The following IMMP2L variants were observed in gnomAD, a reference collection of about 807,000 sequenced individuals.
IMMP2L encodes inner mitochondrial membrane peptidase subunit 2.
In IMMP2L, 18 loss-of-function variants were observed where a neutral mutation model predicts 19.3. The ratio of observed to expected loss-of-function variants is 0.93; its 90% confidence interval spans 0.64 to 1.38. The LOEUF (loss-of-function observed/expected upper bound fraction) is 1.38, where lower values mean the gene tolerates loss of function less well. IMMP2L is among the 40% of genes most tolerant of loss of function. The pLI is 0.00. For synonymous variants in IMMP2L, 76 were observed against 73.0 expected (o/e 1.04, Z -0.21); for missense variants, 233 against 218.2 (o/e 1.07, Z -0.43).
chr7:111,134,676 T>C (rs924175939), intron 3 of IMMP2L, among the ~76,000 whole-genome samples: 3 of 152,086 alleles, frequency 2.0e-5, no homozygotes, highest in Non-Finnish European at 4.4e-5. Context: ...ATAGTTATTT[T>C]TCAATTCTTC....
chr7:111,539,127 AAAGAAAAGGAAGG>A (rs1277572954), intron 1 of IMMP2L, among the ~76,000 whole-genome samples: 10 of 123,986 alleles, frequency 8.1e-5, no homozygotes, highest in African/African-American at 3.3e-4. Flanking sequence ...CACAAAAAGA[AAAGAAAAGGAAGG>A]AAGGAAGGAA....
intron 3 of IMMP2L, among the ~76,000 whole-genome samples, chr7:111,471,325 C>CTGG (rs1465550441): frequency 6.6e-6 from 1 of 152,060 alleles, no homozygotes; most frequent in Admixed American, 6.6e-5. Context: ...ATGCAAGTCT[C>CTGG]TGTCATTATT....
intron 3 of IMMP2L, among the ~76,000 whole-genome samples, chr7:111,201,323 T>C (rs1789205316): frequency 6.6e-6 from 1 of 151,912 alleles, no homozygotes; most frequent in Non-Finnish European, 1.5e-5. Flanking sequence ...GTAATCTTTA[T>C]ACAGTTTTTT....
chr7:111,183,530 C>T (rs1431964653), intron 3 of IMMP2L, among the ~76,000 whole-genome samples: 3 of 152,050 alleles, frequency 2.0e-5, no homozygotes, highest in Non-Finnish European at 4.4e-5. Context: ...AGATCTTACA[C>T]TGCAAGCTCT....
chr7:110,911,121 A>C (rs1813014920), intron 4 of IMMP2L, among the ~76,000 whole-genome samples: 2 of 152,274 alleles, frequency 1.3e-5, no homozygotes, highest in South Asian at 4.1e-4. Flanking sequence ...CTTTTTAAAC[A>C]AATGATAAAG....
At chr7:111,012,635 CTATT>C (rs1825090123) in intron 3 of IMMP2L, among the ~76,000 whole-genome samples, 1 of 152,074 alleles carries the variant, frequency 6.6e-6, no homozygotes, top group Admixed American at 6.6e-5. Flanking sequence ...TTTAGAGCGA[CTATT>C]TATACATTAC....
rs1049160328 is a variant in IMMP2L at position 110,720,083 on chromosome 7, C to T, written c.409-56362G>A. 3.3e-5 allele frequency among the ~76,000 whole-genome samples: 5 copies of T among 152,164 alleles called. No homozygotes were observed. In the East Asian group the frequency reaches 7.7e-4, roughly 24 times the overall value. ...TAAAATCCTGGAAATCTCATAATGT[C>T]GGGAAATTAGCTGAGAGGAGCATGG... On this transcript the variant is annotated intron_variant, in intron 5 of 5. Transcript: ENST00000405709.
At chr7:110,880,149 C>T (rs1004996844) in intron 5 of IMMP2L, among the ~76,000 whole-genome samples, 6 of 151,998 alleles carry the variant, frequency 3.9e-5, no homozygotes, top group African/African-American at 1.4e-4. Flanking sequence ...CCAAGTTAGA[C>T]AAATCTTAAT....
chr7:110,850,482 A>G (rs1284191099), intron 5 of IMMP2L, among the ~76,000 whole-genome samples: 3 of 152,116 alleles, frequency 2.0e-5, no homozygotes, highest in Admixed American at 6.6e-5. Context: ...ATATGTAAAT[A>G]TAAGTTGCCA....
intron 3 of IMMP2L, among the ~76,000 whole-genome samples, chr7:111,104,181 G>C (rs1798285453): frequency 6.6e-6 from 1 of 151,580 alleles, no homozygotes; most frequent in Non-Finnish European, 1.5e-5. Flanking sequence ...GCACATACCT[G>C]CCTTTACTAT....
chr7:110,722,443 A>G (rs1402430088), intron 5 of IMMP2L, among the ~76,000 whole-genome samples: 2 of 152,106 alleles, frequency 1.3e-5, no homozygotes, highest in Non-Finnish European at 2.9e-5. Context: ...AGTAAGAGAC[A>G]AAGTCAGGAT....
At chr7:111,178,255 T>C (rs1586704099) in intron 3 of IMMP2L, among the ~76,000 whole-genome samples, 1 of 152,216 alleles carries the variant, frequency 6.6e-6, no homozygotes, top group South Asian at 2.1e-4. Flanking sequence ...AAATGTGTAA[T>C]AGCATTATGT....
rs943643516 is a variant in IMMP2L at position 110,965,962 on chromosome 7, G to A, written c.240-2397C>T. Among the ~76,000 whole-genome samples, 9 of 151,884 alleles carry A rather than the reference G, an allele frequency of 5.9e-5. No homozygotes were observed. The Middle Eastern group carries it at 0.01, about 172-fold the overall frequency. Reference sequence around the variant, plus strand: ...AAATGTATCCTAATGAGATGATTACGAATGTATGCCAAATTTTGGCCACAT... The same window carrying A: ...AAATGTATCCTAATGAGATGATTACAAATGTATGCCAAATTTTGGCCACAT... On this transcript the variant is annotated intron_variant, in intron 3 of 5. Transcript: ENST00000405709.
chr7:110,828,025 A>G lies in IMMP2L; in HGVS notation c.408+58568T>C, dbSNP rs191881458. ...AATAAGAACTAGAAACAAGTGTGCAAACTAAAAAGACTGTTCTCAAAGTGC... is the reference window on the plus strand; with the variant it reads ...AATAAGAACTAGAAACAAGTGTGCAGACTAAAAAGACTGTTCTCAAAGTGC... On this transcript the variant is annotated intron_variant, in intron 5 of 5. Coordinates refer to ENST00000405709, the MANE Select transcript of IMMP2L (RefSeq NM_032549.4). Among the ~76,000 whole-genome samples, 422 of 152,262 alleles carry G rather than the reference A, an allele frequency of 2.8e-3. 4 individuals carry two copies. The highest frequency in any genetic ancestry group is 9.6e-3 in the African/African-American group (397 of 41,564).
chr7:111,499,681 C>T (rs960114156), intron 2 of IMMP2L, among the ~76,000 whole-genome samples: 6 of 152,180 alleles, frequency 3.9e-5, no homozygotes, highest in Non-Finnish European at 7.3e-5. Flanking sequence ...CATGTGTTGT[C>T]AAGGCCTCCC....
At chr7:111,510,140 T>C (rs370942538) in intron 2 of IMMP2L, among the ~76,000 whole-genome samples, 29 of 152,274 alleles carry the variant, frequency 1.9e-4, no homozygotes, top group African/African-American at 7.0e-4. Flanking sequence ...GAGTTTAGAC[T>C]TAAAGGGAAC....
In IMMP2L at chr7:111,458,418, A is replaced by G. The variant is rs146868103; in HGVS notation, c.239+28820T>C. 5.0e-4 allele frequency among the ~76,000 whole-genome samples: 76 copies of G among 152,176 alleles called. No homozygotes were observed. In the Middle Eastern group the frequency reaches 0.017, roughly 34 times the overall value. ...CTTATGGAATGCTATCATTCTGTCA[A>G]AAATAAACATAATATGCTTTCTGTT... is the stretch of plus-strand genomic sequence containing the variant. On this transcript the variant is annotated intron_variant, in intron 3 of 5. Coordinates refer to ENST00000405709, the MANE Select transcript of IMMP2L (RefSeq NM_032549.4).
intron 3 of IMMP2L, among the ~76,000 whole-genome samples, chr7:111,194,224 A>G (rs1809219393): frequency 6.6e-6 from 1 of 152,186 alleles, no homozygotes; most frequent in Non-Finnish European, 1.5e-5. Context: ...TTCTGTAGCT[A>G]GTAAAGGAAC....
At chr7:110,816,250 T>G (rs561923064) in intron 5 of IMMP2L, among the ~76,000 whole-genome samples, 65 of 152,232 alleles carry the variant, frequency 4.3e-4, no homozygotes, top group African/African-American at 1.5e-3. Context: ...GAGCAGGTTG[T>G]TCAGTTTCCA....
Sources: allele counts gnomAD v4.1 joint callset (sites outside exome capture counted in the v4.1 genomes callset), GRCh38; gene constraint gnomAD v4.1.1; transcripts MANE v1.5; gene names NCBI Gene and HGNC (gene_info 2026-07-23, HGNC 2026-07-21).